DOCK2: variants seen among roughly 807,000 people sequenced by gnomAD.
The protein encoded by DOCK2 is dedicator of cytokinesis protein 2.
DOCK2 carries 87 observed loss-of-function variants against 248.9 expected under a neutral mutation model. The observed-to-expected ratio is 0.35, with a 90% confidence interval of 0.29 to 0.42. The LOEUF is 0.42. DOCK2 is among the 10% of genes least tolerant of loss of function. DOCK2 has a pLI of 1.00. For synonymous variants in DOCK2, 805 were observed against 821.6 expected (o/e 0.98, Z 0.35); for missense variants, 1,747 against 2,300.2 (o/e 0.76, Z 4.92).
At chr5:170,033,636 G>T (rs913342082) in intron 34 of DOCK2, among the ~76,000 whole-genome samples, 1 of 152,200 alleles carries the variant, frequency 6.6e-6, no homozygotes, top group African/African-American at 2.4e-5. Context: ...GGACAGCTTA[G>T]TGGACCTCTC....
At chr5:169,700,735 A>C (rs1760917832) in intron 13 of DOCK2, among the ~76,000 whole-genome samples, 1 of 152,150 alleles carries the variant, frequency 6.6e-6, no homozygotes, top group South Asian at 2.1e-4. Context: ...TTTTGGACTA[A>C]GTTCCTGCAC....
rs1757970623 is a variant in DOCK2, at chr5:170,080,000, G to A, written c.5167-163G>A. 14 of 1,223,966 alleles carry A rather than the reference G, an allele frequency of 1.1e-5. No individual in the cohort carries two copies. The South Asian group carries it at 1.8e-4, about 15-fold the overall frequency. The allele number at this position is 1,223,966 out of a possible 1,614,324, so 75.8% of individuals were successfully genotyped here. The stretch of plus-strand genomic sequence containing the variant: ...TGTGCAACCTGTGCAACCATATGTG[G>A]CAGGCTGGCATGGAATGGTATAATA... On this transcript the variant is annotated intron_variant, in intron 49 of 51. Transcript: ENST00000520908.
At chr5:169,914,288 TC>T (rs1774760263) in intron 27 of DOCK2, among the ~76,000 whole-genome samples, 1 of 152,216 alleles carries the variant, frequency 6.6e-6, no homozygotes, top group African/African-American at 2.4e-5. Flanking sequence ...CCCCATTCTT[TC>T]TGATTCTTTC....
intron 25 of DOCK2, among the ~76,000 whole-genome samples, chr5:169,800,601 A>G (rs1002885512): frequency 6.6e-6 from 1 of 152,208 alleles, no homozygotes; most frequent in Admixed American, 6.5e-5. Context: ...TAGATCCTAT[A>G]AAGTCTTCTA....
At position 170,047,504 on chromosome 5, in the gene DOCK2, C is replaced by T. The variant is rs1410884803; in HGVS notation, c.3967-6C>T. The T allele has an allele frequency of 2.5e-6, 4 of 1,612,928 alleles. No homozygotes were observed. The Admixed American group carries it at 5.0e-5, about 20-fold the overall frequency. On this transcript the variant is annotated splice_region_variant and splice_polypyrimidine_tract_variant and intron_variant, in intron 39 of 51. Coordinates refer to ENST00000520908, the MANE Select transcript of DOCK2 (RefSeq NM_004946.3). ...TGTTGCAACAAACCTTGTTTTCTTC[C>T]TTTAGATCCAGCAGGCAAAATTCTA...
At chr5:169,783,689 A>G (rs1182491891) in intron 25 of DOCK2, among the ~76,000 whole-genome samples, 1 of 152,180 alleles carries the variant, frequency 6.6e-6, no homozygotes, top group Non-Finnish European at 1.5e-5. Context: ...ATAGAAAAAA[A>G]GCTATGGGAG....
chr5:170,036,503 TC>T lies in DOCK2; in HGVS notation c.3625-8del. On this transcript the variant is annotated splice_polypyrimidine_tract_variant and intron_variant, in intron 35 of 51. Transcript: ENST00000520908. Reference sequence around the variant, plus strand: ...GAACAACACTCATCATTGTTTTTCCTCCCCTACCTAGAATTTCTACAAAGAT... The same window carrying T: ...GAACAACACTCATCATTGTTTTTCCTCCCTACCTAGAATTTCTACAAAGAT... The T allele has an allele frequency of 1.2e-6, 2 of 1,612,596 alleles. No individual in the cohort carries two copies. The highest frequency in any genetic ancestry group is 1.1e-5 in the South Asian group (1 of 90,696).
chr5:169,979,096 G>T (rs1483093009), intron 27 of DOCK2, among the ~76,000 whole-genome samples: 3 of 152,144 alleles, frequency 2.0e-5, no homozygotes, highest in Admixed American at 6.5e-5. Flanking sequence ...CAGAATTTCT[G>T]CCCGGGATGA....
chr5:169,972,586 TGATA>T (rs1554122914), intron 27 of DOCK2, among the ~76,000 whole-genome samples: 1,526 of 68,952 alleles, frequency 0.022, 15 homozygotes, highest in Middle Eastern at 0.041. Flanking sequence ...GATAGATAGA[TGATA>T]GATAGATAGA....
intron 27 of DOCK2, chr5:169,841,314 T>C: frequency 1.0e-6 from 1 of 992,402 alleles, no homozygotes; most frequent in Non-Finnish European, 1.2e-6. Flanking sequence ...TACTACATAT[T>C]GAGCTATTCT....
At chr5:169,755,214 G>A (rs1764130110) in intron 23 of DOCK2, among the ~76,000 whole-genome samples, 1 of 151,874 alleles carries the variant, frequency 6.6e-6, no homozygotes, top group African/African-American at 2.4e-5. Context: ...GAAGTGCTGG[G>A]ATTATAGGCA....
At chr5:169,786,770 G>GGACTCTAT (rs1766012453) in intron 25 of DOCK2, among the ~76,000 whole-genome samples, 1 of 151,716 alleles carries the variant, frequency 6.6e-6, no homozygotes, top group Non-Finnish European at 1.5e-5. Context: ...AAAATAATAT[G>GGACTCTAT]GACTCTATGT....
rs1008390448 is a variant in DOCK2, at chr5:170,069,372, C to T, written c.4728+152C>T. On this transcript the variant is annotated intron_variant, in intron 46 of 51. Coordinates refer to ENST00000520908, the MANE Select transcript of DOCK2 (RefSeq NM_004946.3). ...CAGCCCCTCTTCCAACTCTGTATCA[C>T]ACCTGAGCAGGTTCATCCTGGAACA... The T allele has an allele frequency of 1.2e-4, 90 of 745,460 alleles. 1 individual carries two copies. The South Asian group carries it at 1.5e-3, about 12-fold the overall frequency. 46.2% of individuals were successfully genotyped at this position (745,460 alleles called of 1,614,324 possible).
intron 50 of DOCK2, 91 bp from the exon 51 acceptor site, chr5:170,081,751 C>G: frequency 7.4e-7 from 1 of 1,358,280 alleles, no homozygotes; most frequent in Non-Finnish European, 9.9e-7. Flanking sequence ...GATGCTGGCT[C>G]TGTCCCCCAG....
intron 23 of DOCK2, among the ~76,000 whole-genome samples, chr5:169,757,080 C>T (rs1408391576): frequency 2.6e-5 from 4 of 152,016 alleles, no homozygotes; most frequent in African/African-American, 7.3e-5. Flanking sequence ...CAAATCAAAG[C>T]GTTAAATCAA....
chr5:170,022,058 G>A (rs1755747321), intron 33 of DOCK2, among the ~76,000 whole-genome samples: 2 of 152,360 alleles, frequency 1.3e-5, no homozygotes, highest in South Asian at 4.1e-4. Context: ...AAACTGAGCA[G>A]GGGCTTTGCT....
intron 30 of DOCK2, among the ~76,000 whole-genome samples, chr5:170,004,834 G>A (rs1371015574): frequency 2.7e-5 from 4 of 147,990 alleles, no homozygotes; most frequent in Admixed American, 6.8e-5. Flanking sequence ...ACCAAACACC[G>A]CATATTCTCA....
intron 27 of DOCK2, among the ~76,000 whole-genome samples, chr5:169,972,606 A>C (rs889105319): frequency 1.1e-5 from 1 of 93,604 alleles, no homozygotes; most frequent in African/African-American, 3.7e-5. Flanking sequence ...ATAGATAGAT[A>C]GATAGATAGA....
intron 26 of DOCK2, among the ~76,000 whole-genome samples, chr5:169,839,005 T>C (rs1769775900): frequency 6.6e-6 from 1 of 152,194 alleles, no homozygotes; most frequent in Non-Finnish European, 1.5e-5. Context: ...CTGCAATTCC[T>C]TACATTAAGT....
Sources: gnomAD v4.1 joint callset for allele counts (sites outside exome capture counted in the v4.1 genomes callset) on GRCh38, gnomAD v4.1.1 for gene constraint, MANE v1.5 for transcripts, NCBI Gene and HGNC (gene_info 2026-07-23, HGNC 2026-07-21) for gene names.